SOX9: variants seen among roughly 807,000 people sequenced by gnomAD.
SOX9 encodes the protein SRY-box transcription factor 9.
A neutral mutation model predicts 44.8 loss-of-function variants in SOX9; 2 were observed. That is an observed-to-expected ratio of 0.04 (90% confidence interval 0.02 to 0.14). The LOEUF (loss-of-function observed/expected upper bound fraction) is 0.14. SOX9 is among the 10% of genes least tolerant of loss of function. The pLI is 1.00. For missense variants in SOX9, 583 were observed against 728.6 expected (o/e 0.80, Z 2.30); for synonymous variants, 381 against 331.8 (o/e 1.15, Z -1.61).
chr17:72,121,520 C>T lies in SOX9; in HGVS notation c.129C>T (p.Thr43=), dbSNP rs2143237360. Residue 43 remains threonine (T), a synonymous_variant, in exon 1 of 3, where the codon ACC becomes ACT. Coordinates refer to ENST00000245479, the MANE Select transcript of SOX9 (RefSeq NM_000346.4). The surrounding 1 kb of genome is among the most constrained non-coding windows in gnomAD (Gnocchi z 8.3). Reference sequence around the variant, plus strand: ...GCCCGTCGGGCTCCGGCTCGGACACCGAGAACACGCGGCCCCAGGAGAACA... The same window carrying T: ...GCCCGTCGGGCTCCGGCTCGGACACTGAGAACACGCGGCCCCAGGAGAACA... The part of the protein sequence containing the change: ...SPCPSGSGSD[T]ENTRPQENTF... 3 of 1,609,170 alleles carry T rather than the reference C, an allele frequency of 1.9e-6. No homozygotes were observed. In the South Asian group the frequency reaches 3.3e-5, roughly 18 times the overall value.
At position 72,121,849 on chromosome 17, in the gene SOX9, A is replaced by T. The variant is rs2143241451; in HGVS notation, c.431+27A>T. 1 of 1,528,734 alleles carries T rather than the reference A, an allele frequency of 6.5e-7. No homozygotes were observed. Among genetic ancestry groups the T allele is most frequent in the Non-Finnish European group, 8.8e-7 (1 of 1,137,666 alleles). The allele number at this position is 1,528,734 out of a possible 1,614,324, so 94.7% of individuals were successfully genotyped here. ...TAGGACCCGGCGGGGGCGGCGCGGCAGGGTGGGCATCGCGGCGGCTGGGGG... is the reference window on the plus strand; with the variant it reads ...TAGGACCCGGCGGGGGCGGCGCGGCTGGGTGGGCATCGCGGCGGCTGGGGG... On this transcript the variant is annotated intron_variant, in intron 1 of 2. Transcript: ENST00000245479. The surrounding 1 kb of genome is among the most constrained non-coding windows in gnomAD (Gnocchi z 8.3).
chr17:72,124,367 A>G lies in SOX9; in HGVS notation c.1510A>G (p.Thr504Ala), dbSNP rs149888060. The G allele has an allele frequency of 2.7e-5, 43 of 1,600,322 alleles. No homozygotes were observed. Among genetic ancestry groups the G allele is most frequent in the Non-Finnish European group, 2.7e-5 (32 of 1,179,966 alleles). ...SPQHWEQPVY[T>A]QLTRP ...CCAGCACTGGGAACAACCCGTCTAC[A>G]CACAGCTCACTCGACCTTGAGGAGG... The change falls in exon 3 of 3, where the codon ACA becomes GCA. Residue 504 changes from threonine to alanine, a missense_variant. By Grantham distance (58) the Thr-to-Ala change is moderately conservative. Coordinates refer to ENST00000245479, the MANE Select transcript of SOX9 (RefSeq NM_000346.4). The surrounding 1 kb of genome is among the most constrained non-coding windows in gnomAD (Gnocchi z 4.6).
At position 72,124,025 on chromosome 17, in the gene SOX9, G is replaced by A. The variant is rs778788591; in HGVS notation, c.1168G>A (p.Gly390Ser). Residue 390 changes from glycine to serine, a missense_variant, in exon 3 of 3, where the codon GGC (glycine) becomes AGC (serine). Physicochemically the swap from Gly to Ser is moderately conservative, Grantham distance 56. Transcript: ENST00000245479. This position sits in a 1 kb window ranked among gnomAD's most constrained non-coding sequence, Gnocchi z 4.6. Reference sequence around the variant, plus strand: ...GCTGACCACGCTGAGCAGCGAGCCGGGCCAGTCCCAGCGAACGCACATCAA... The same window carrying A: ...GCTGACCACGCTGAGCAGCGAGCCGAGCCAGTCCCAGCGAACGCACATCAA... ...HTLTTLSSEPGQSQRTHIKTE... is the reference protein window; with the variant it reads ...HTLTTLSSEPSQSQRTHIKTE... The A allele has an allele frequency of 1.3e-5, 21 of 1,608,962 alleles. 1 individual carries two copies. The highest frequency in any genetic ancestry group is 1.4e-5 in the Non-Finnish European group (17 of 1,177,596).
In SOX9 at chr17:72,123,477, C is replaced by T; in HGVS notation, c.686-66C>T. The T allele has an allele frequency of 1.9e-6, 3 of 1,608,120 alleles. No individual in the cohort carries two copies. The highest frequency in any genetic ancestry group is 1.7e-6 in the Non-Finnish European group (2 of 1,175,916). Reference sequence around the variant, plus strand: ...AGCGAGGGAGGGTCCCCGGAGGGTGCCTAAGACTAGGGCGTCTGCACAGCC... The same window carrying T: ...AGCGAGGGAGGGTCCCCGGAGGGTGTCTAAGACTAGGGCGTCTGCACAGCC... On this transcript the variant is annotated intron_variant, in intron 2 of 2. Coordinates refer to ENST00000245479, the MANE Select transcript of SOX9 (RefSeq NM_000346.4). The surrounding 1 kb of genome is among the most constrained non-coding windows in gnomAD (Gnocchi z 6.5).
chr17:72,123,682 C>G lies in SOX9; in HGVS notation c.825C>G (p.Ile275Met), dbSNP rs573481755. The stretch of plus-strand genomic sequence containing the variant: ...CTATCGACTTCCGCGACGTGGACAT[C>G]GGCGAGCTGAGCAGCGACGTCATCT... ...QPPIDFRDVD[I>M]GELSSDVISN... The change falls in exon 3 of 3, where the codon ATC (isoleucine) becomes ATG (methionine). Residue 275 changes from isoleucine (I) to methionine (M), a missense_variant. Ile to Met is a conservative substitution (Grantham distance 10). Around this residue, in one of 7 missense-constraint regions of SOX9, gnomAD observed 349 missense variants for 387.0 expected, o/e 0.90. Transcript: ENST00000245479. The surrounding 1 kb of genome is among the most constrained non-coding windows in gnomAD (Gnocchi z 6.5). 1 of 1,613,852 alleles carries G rather than the reference C, an allele frequency of 6.2e-7. No individual in the cohort carries two copies. Among genetic ancestry groups the G allele is most frequent in the Non-Finnish European group, 8.5e-7 (1 of 1,179,886 alleles).
At position 72,124,609 on chromosome 17, in the gene SOX9, C is replaced by CT. The variant is rs1908227134; in HGVS notation, c.*224dup. On this transcript the variant is annotated 3_prime_UTR_variant, in exon 3 of 3. Transcript: ENST00000245479. The surrounding 1 kb of genome is among the most constrained non-coding windows in gnomAD (Gnocchi z 4.6). ...ATGACCTATCCAAGCGCATTACCCA[C>CT]TTGTGGCCAATCAGTGGCCAGGCCA... The CT allele has an allele frequency of 1.6e-6, 1 of 625,752 alleles. No individual in the cohort carries two copies. Among genetic ancestry groups the CT allele is most frequent in the African/African-American group, 1.8e-5 (1 of 54,640 alleles). 38.8% of individuals were successfully genotyped at this position (625,752 alleles called of 1,614,324 possible).
At position 72,126,326 on chromosome 17, in the gene SOX9, G is replaced by T. The variant is rs533288894; in HGVS notation, c.*1939G>T. 1.7e-5 allele frequency: 4 copies of T among 229,238 alleles called. No homozygotes were observed. The highest frequency in any genetic ancestry group is 2.3e-5 in the African/African-American group (1 of 44,210). 14.2% of individuals were successfully genotyped at this position (229,238 alleles called of 1,614,324 possible). A position where few individuals can be genotyped will look rare whatever the true frequency, so the allele number is the denominator to read the frequency against. Reference sequence around the variant, plus strand: ...TTTCCCTCCCAGCCCCAAACCTTTTGTTCTCTCCGTGAAACTTACCTTTCC... The same window carrying T: ...TTTCCCTCCCAGCCCCAAACCTTTTTTTCTCTCCGTGAAACTTACCTTTCC... On this transcript the variant is annotated 3_prime_UTR_variant, in exon 3 of 3. Coordinates refer to ENST00000245479, the MANE Select transcript of SOX9 (RefSeq NM_000346.4).
chr17:72,126,152 C>A lies in SOX9; in HGVS notation c.*1765C>A. On this transcript the variant is annotated 3_prime_UTR_variant, in exon 3 of 3. Coordinates refer to ENST00000245479, the MANE Select transcript of SOX9 (RefSeq NM_000346.4). The stretch of plus-strand genomic sequence containing the variant: ...AAGTCAGTAGAATAAAATCTTAAAG[C>A]ACTCATAATATGGCATCCTTCAATT... 1 of 232,124 alleles carries A rather than the reference C, an allele frequency of 4.3e-6. No homozygotes were observed. The allele number at this position is 232,124 out of a possible 1,614,324, so 14.4% of individuals were successfully genotyped here.
In SOX9 at chr17:72,121,139, A is replaced by G. The variant is rs1908071137; in HGVS notation, c.-253A>G. On this transcript the variant is annotated 5_prime_UTR_variant, in exon 1 of 3. Transcript: ENST00000245479. The surrounding 1 kb of genome is among the most constrained non-coding windows in gnomAD (Gnocchi z 8.3). ...GAAGAGAAGGGGTGCAAGCGCCCCCACTTTTGCTCTTTTTCCTCCCCTCCT... is the reference window on the plus strand; with the variant it reads ...GAAGAGAAGGGGTGCAAGCGCCCCCGCTTTTGCTCTTTTTCCTCCCCTCCT... 1 of 567,974 alleles carries G rather than the reference A, an allele frequency of 1.8e-6. No homozygotes were observed. Among genetic ancestry groups the G allele is most frequent in the Non-Finnish European group, 3.1e-6 (1 of 323,110 alleles). 35.2% of individuals were successfully genotyped at this position (567,974 alleles called of 1,614,324 possible).
At position 72,123,420 on chromosome 17, in the gene SOX9, T is replaced by TG. The variant is rs1242316463; in HGVS notation, c.686-122dup. 1 of 1,363,966 alleles carries TG rather than the reference T, an allele frequency of 7.3e-7. No individual in the cohort carries two copies. Among genetic ancestry groups the TG allele is most frequent in the Non-Finnish European group, 1.0e-6 (1 of 965,136 alleles). The allele number at this position is 1,363,966 out of a possible 1,614,324, so 84.5% of individuals were successfully genotyped here. A position where few individuals can be genotyped will look rare whatever the true frequency, so the allele number is the denominator to read the frequency against. ...CTTATCTCCGGTGCAGCGCGCCTCT[T>TG]GCGCGGGTGCGGGCCCTTATTACAC... On this transcript the variant is annotated intron_variant, in intron 2 of 2. Transcript: ENST00000245479. This position sits in a 1 kb window ranked among gnomAD's most constrained non-coding sequence, Gnocchi z 6.5.
At position 72,121,493 on chromosome 17, in the gene SOX9, C is replaced by G. The variant is rs1034958680; in HGVS notation, c.102C>G (p.Pro34=). The G allele has an allele frequency of 6.2e-7, 1 of 1,611,016 alleles. No individual in the cohort carries two copies. The highest frequency in any genetic ancestry group is 8.5e-7 in the Non-Finnish European group (1 of 1,179,212). The change falls in exon 1 of 3, where the codon CCC becomes CCG. Residue 34 remains proline, a synonymous_variant. Transcript: ENST00000245479. The surrounding 1 kb of genome is among the most constrained non-coding windows in gnomAD (Gnocchi z 8.3). ...TGTCCGAGGACTCCGCGGGCTCGCC[C>G]TGCCCGTCGGGCTCCGGCTCGGACA... ...PTMSEDSAGS[P]CPSGSGSDTE...
Position 72,124,054 on chromosome 17 carries a change from G to A in SOX9, c.1197G>A (p.Thr399=), listed in dbSNP as rs777943068. ...PGQSQRTHIK[T]EQLSPSHYSE... Reference sequence around the variant, plus strand: ...AGTCCCAGCGAACGCACATCAAGACGGAGCAGCTGAGCCCCAGCCACTACA... The same window carrying A: ...AGTCCCAGCGAACGCACATCAAGACAGAGCAGCTGAGCCCCAGCCACTACA... The change falls in exon 3 of 3, where the codon ACG becomes ACA. Residue 399 remains threonine, a synonymous_variant. Transcript: ENST00000245479. The surrounding 1 kb of genome is among the most constrained non-coding windows in gnomAD (Gnocchi z 4.6). 1.1e-5 allele frequency: 17 copies of A among 1,612,720 alleles called. No homozygotes were observed. The highest frequency in any genetic ancestry group is 1.4e-5 in the Non-Finnish European group (16 of 1,179,454).
In SOX9 at chr17:72,122,879, A is replaced by G. The variant is rs2143246595; in HGVS notation, c.592A>G (p.Ile198Val). 1 of 1,614,084 alleles carries G rather than the reference A, an allele frequency of 6.2e-7. No homozygotes were observed. Among genetic ancestry groups the G allele is most frequent in the Non-Finnish European group, 8.5e-7 (1 of 1,180,002 alleles). ...AGAGGAGGCCACGGAGCAGACGCAC[A>G]TCTCCCCCAACGCCATCTTCAAGGC... ...EAEEATEQTH[I>V]SPNAIFKALQ... The change falls in exon 2 of 3, where the codon ATC (isoleucine) becomes GTC (valine). Residue 198 changes from isoleucine to valine, a missense_variant. This residue lies in a region of SOX9 where 88 missense variants were observed against 65.5 expected (regional missense o/e 1.34). Transcript: ENST00000245479.
chr17:72,125,056 G>A lies in SOX9; in HGVS notation c.*669G>A. ...ACATTTAAAAACAGAATTGTGTTATGTGATCAGTTTTGGGGGTTAACTTTG... is the reference window on the plus strand; with the variant it reads ...ACATTTAAAAACAGAATTGTGTTATATGATCAGTTTTGGGGGTTAACTTTG... On this transcript the variant is annotated 3_prime_UTR_variant, in exon 3 of 3. Transcript: ENST00000245479. 4.4e-6 allele frequency: 1 copy of A among 226,342 alleles called. No individual in the cohort carries two copies. Among genetic ancestry groups the A allele is most frequent in the Non-Finnish European group, 8.8e-6 (1 of 113,594 alleles). The allele number at this position is 226,342 out of a possible 1,614,324, so 14.0% of individuals were successfully genotyped here.
Position 72,123,448 on chromosome 17 carries a change from T to G in SOX9, c.686-95T>G. The G allele has an allele frequency of 6.4e-7, 1 of 1,560,562 alleles. No homozygotes were observed. The highest frequency in any genetic ancestry group is 8.8e-7 in the Non-Finnish European group (1 of 1,134,156). ...GCGGGTGCGGGCCCTTATTACACTT[T>G]AGCAGCGAGGGAGGGTCCCCGGAGG... On this transcript the variant is annotated intron_variant, in intron 2 of 2. Transcript: ENST00000245479. The surrounding 1 kb of genome is among the most constrained non-coding windows in gnomAD (Gnocchi z 6.5).
Position 72,124,011 on chromosome 17 carries a change from T to G in SOX9, c.1154T>G (p.Leu385Arg), listed in dbSNP as rs760346231. ...CCACAGGCGCACACGCTGACCACGC[T>G]GAGCAGCGAGCCGGGCCAGTCCCAG... is the stretch of plus-strand genomic sequence containing the variant. ...QQPQAHTLTT[L>R]SSEPGQSQRT... The change falls in exon 3 of 3, where the codon CTG (leucine) becomes CGG (arginine). Residue 385 changes from leucine (L) to arginine (R), a missense_variant. Physicochemically the swap from Leu to Arg is moderately radical, Grantham distance 102. Around this residue, in one of 7 missense-constraint regions of SOX9, gnomAD observed 349 missense variants for 387.0 expected, o/e 0.90. Transcript: ENST00000245479. This position sits in a 1 kb window ranked among gnomAD's most constrained non-coding sequence, Gnocchi z 4.6. 1 of 1,605,826 alleles carries G rather than the reference T, an allele frequency of 6.2e-7. No individual in the cohort carries two copies. The highest frequency in any genetic ancestry group is 8.5e-7 in the Non-Finnish European group (1 of 1,176,382).
At position 72,121,607 on chromosome 17, in the gene SOX9, C is replaced by T. The variant is rs2143238555; in HGVS notation, c.216C>T (p.Cys72=). 6.2e-7 allele frequency: 1 copy of T among 1,604,350 alleles called. No homozygotes were observed. The highest frequency in any genetic ancestry group is 8.5e-7 in the Non-Finnish European group (1 of 1,175,756). The change falls in exon 1 of 3, where the codon TGC becomes TGT. Residue 72 remains cysteine (C), a synonymous_variant. Coordinates refer to ENST00000245479, the MANE Select transcript of SOX9 (RefSeq NM_000346.4). This position sits in a 1 kb window ranked among gnomAD's most constrained non-coding sequence, Gnocchi z 8.3. ...KESEEDKFPV[C]IREAVSQVLK... is the part of the protein sequence containing the mutation. ...GCGAGGAGGACAAGTTCCCCGTGTG[C>T]ATCCGCGAGGCGGTCAGCCAGGTGC...
Position 72,124,466 on chromosome 17 carries a change from CCTTTGGACATTTGTGTTT to C in SOX9, c.*80_*97del. On this transcript the variant is annotated 3_prime_UTR_variant, in exon 3 of 3. Transcript: ENST00000245479. This position sits in a 1 kb window ranked among gnomAD's most constrained non-coding sequence, Gnocchi z 4.6. ...AGAAAGAGAGGACCAACCAGAATTC[CCTTTGGACATTTGTGTTT>C]TTTTGTTTTTTTATTTTGTTTTGTT... 1 of 1,494,828 alleles carries C rather than the reference CCTTTGGACATTTGTGTTT, an allele frequency of 6.7e-7. No homozygotes were observed. Among genetic ancestry groups the C allele is most frequent in the Non-Finnish European group, 9.2e-7 (1 of 1,084,642 alleles). The allele number at this position is 1,494,828 out of a possible 1,614,324, so 92.6% of individuals were successfully genotyped here. A position where few individuals can be genotyped will look rare whatever the true frequency, so the allele number is the denominator to read the frequency against.
rs372582694 is a variant in SOX9, at chr17:72,124,396, C to A, written c.*9C>A. On this transcript the variant is annotated 3_prime_UTR_variant, in exon 3 of 3. Coordinates refer to ENST00000245479, the MANE Select transcript of SOX9 (RefSeq NM_000346.4). This position sits in a 1 kb window ranked among gnomAD's most constrained non-coding sequence, Gnocchi z 4.6. ...AGCTCACTCGACCTTGAGGAGGCCT[C>A]CCACGAAGGGCGAAGATGGCCGAGA... The A allele has an allele frequency of 6.3e-7, 1 of 1,599,992 alleles. No individual in the cohort carries two copies. The highest frequency in any genetic ancestry group is 8.5e-7 in the Non-Finnish European group (1 of 1,179,938).
Sources: allele counts gnomAD v4.1 joint callset, GRCh38; gene constraint gnomAD v4.1.1; regional missense constraint gnomAD v4.1.1; non-coding constraint Gnocchi (gnomAD v3.1); transcripts MANE v1.5; gene names NCBI Gene and HGNC (gene_info 2026-07-23, HGNC 2026-07-21).